Variants in ELOVL6 observed in about 807,000 individuals in gnomAD.
ELOVL6 encodes the protein ELOVL fatty acid elongase 6.
A neutral mutation model predicts 31.7 loss-of-function variants in ELOVL6; 8 were observed. The observed-to-expected ratio is 0.25, with a 90% CI of 0.15 to 0.45. The LOEUF (loss-of-function observed/expected upper bound fraction) is 0.45, where lower values mean the gene tolerates loss of function less well. Among genes scored for constraint, ELOVL6 ranks in the 20% least tolerant of loss-of-function variants. ELOVL6 has a pLI of 1.00. For synonymous variants in ELOVL6, 101 were observed against 117.7 expected, an observed-to-expected ratio of 0.86 and a Z score of 0.92; for missense variants, 126 against 326.4, an observed-to-expected ratio of 0.39 and a Z score of 4.73.
chr4:110,076,899 T>C (rs1457849657), intron 2 of ELOVL6, among the ~76,000 whole-genome samples: 2 of 152,154 alleles, frequency 1.3e-5, no homozygotes, highest in Non-Finnish European at 2.9e-5. Flanking sequence ...ATACTGTGCT[T>C]TTCCAATGGT....
intron 2 of ELOVL6, among the ~76,000 whole-genome samples, chr4:110,062,737 C>A (rs577659770): frequency 6.6e-6 from 1 of 152,188 alleles, no homozygotes; most frequent in Admixed American, 6.5e-5. Context: ...CCCTGGACCA[C>A]ACATTTAAGT....
At chr4:110,139,098 A>C (rs1341507481) in intron 1 of ELOVL6, among the ~76,000 whole-genome samples, 1 of 152,150 alleles carries the variant, frequency 6.6e-6, no homozygotes, top group East Asian at 1.9e-4. Context: ...TTTTAAGAAA[A>C]AAGTGGTATT....
chr4:110,143,337 A>G (rs1443396392), intron 1 of ELOVL6, among the ~76,000 whole-genome samples: 1 of 152,048 alleles, frequency 6.6e-6, no homozygotes, highest in Non-Finnish European at 1.5e-5. Flanking sequence ...TATTAGATGT[A>G]TAATATTTAT....
intron 2 of ELOVL6, among the ~76,000 whole-genome samples, chr4:110,077,159 G>T (rs1397587166): frequency 6.6e-6 from 1 of 152,224 alleles, no homozygotes; most frequent in African/African-American, 2.4e-5. Context: ...CTCCACCTCT[G>T]GGGGCAGGGC....
Position 110,167,976 on chromosome 4 carries a change from G to A in ELOVL6, c.89+30271C>T, listed in dbSNP as rs555596176. On this transcript the variant is annotated intron_variant, in intron 1 of 3. Coordinates refer to ENST00000302274, the MANE Select transcript of ELOVL6 (RefSeq NM_024090.3). The stretch of plus-strand genomic sequence containing the variant: ...TAAGGAAGTTCTTTCTTGTATTTTT[G>A]ATATATAATTTTAGATTAAATGCTT... Among the ~76,000 whole-genome samples the A allele has an allele frequency of 9.2e-5, 14 of 152,158 alleles. No homozygotes were observed. The East Asian group carries it at 2.7e-3, about 29-fold the overall frequency.
intron 1 of ELOVL6, among the ~76,000 whole-genome samples, chr4:110,154,614 C>T (rs1440110603): frequency 1.3e-5 from 2 of 152,178 alleles, no homozygotes; most frequent in Non-Finnish European, 2.9e-5. Context: ...ATATTAATTT[C>T]TTGATGTGAA....
At chr4:110,069,758 G>A (rs777370370) in intron 2 of ELOVL6, among the ~76,000 whole-genome samples, 11 of 152,116 alleles carry the variant, frequency 7.2e-5, no homozygotes, top group Non-Finnish European at 1.3e-4. Context: ...TTCTCTGCCT[G>A]GCTGGAAATG....
chr4:110,195,890 G>A (rs372422920), intron 1 of ELOVL6, among the ~76,000 whole-genome samples: 1 of 152,184 alleles, frequency 6.6e-6, no homozygotes, highest in Non-Finnish European at 1.5e-5. Context: ...CTGATGGTCT[G>A]TAAGTTAATA....
At chr4:110,169,463 T>A (rs536702456) in intron 1 of ELOVL6, among the ~76,000 whole-genome samples, 1 of 151,980 alleles carries the variant, frequency 6.6e-6, no homozygotes, top group East Asian at 2.0e-4. Flanking sequence ...GGCTGGCCTG[T>A]AACTCCTGAC....
At chr4:110,079,166 C>T (rs551148776) in intron 2 of ELOVL6, among the ~76,000 whole-genome samples, 1 of 152,264 alleles carries the variant, frequency 6.6e-6, no homozygotes, top group South Asian at 2.1e-4. Context: ...CTACTGTCAA[C>T]ATTAGACAGA....
chr4:110,188,024 T>C (rs1186469238), intron 1 of ELOVL6, among the ~76,000 whole-genome samples: 9 of 152,342 alleles, frequency 5.9e-5, no homozygotes, highest in East Asian at 5.8e-4. Context: ...ATTCTTCACA[T>C]TGTAGGAGCT....
In ELOVL6 at chr4:110,051,674, G is replaced by A. The variant is rs762430025; in HGVS notation, c.462C>T (p.Tyr154=). ...CCCCGGCAACCATGTCTTTGTAGGA[G>A]TACCAAGAGTACAGGAGCACAGTGA... ...HHITVLLYSW[Y]SYKDMVAGGG... is the part of the protein sequence containing the mutation. Residue 154 remains tyrosine, a synonymous_variant, in exon 4 of 4, where the codon TAC becomes TAT. Coordinates refer to ENST00000302274, the MANE Select transcript of ELOVL6 (RefSeq NM_024090.3). This position sits in a 1 kb window ranked among gnomAD's most constrained non-coding sequence, Gnocchi z 4.8. 1.2e-6 allele frequency: 2 copies of A among 1,614,124 alleles called. No individual in the cohort carries two copies. The highest frequency in any genetic ancestry group is 2.2e-5 in the South Asian group (2 of 91,072).
intron 1 of ELOVL6, 62 bp downstream of exon 1, chr4:110,198,185 A>C (rs1759876420): frequency 1.0e-6 from 1 of 979,182 alleles, no homozygotes; most frequent in Admixed American, 1.7e-5. Context: ...TACCGACATT[A>C]AGGCACTCCG....
At chr4:110,134,658 G>A (rs1218240037) in intron 1 of ELOVL6, among the ~76,000 whole-genome samples, 2 of 152,100 alleles carry the variant, frequency 1.3e-5, no homozygotes, top group Non-Finnish European at 2.9e-5. Context: ...TGTGTTTACA[G>A]TGTTTAAAAG....
intron 1 of ELOVL6, among the ~76,000 whole-genome samples, chr4:110,181,091 T>A (rs929997068): frequency 6.6e-6 from 1 of 151,720 alleles, no homozygotes; most frequent in Non-Finnish European, 1.5e-5. Context: ...TGAGCTATGA[T>A]TGTGCCACTA....
chr4:110,086,838 C>T (rs924800628), intron 2 of ELOVL6, among the ~76,000 whole-genome samples: 6 of 152,102 alleles, frequency 3.9e-5, no homozygotes, highest in African/African-American at 7.2e-5. Context: ...CCTCCCTATG[C>T]GACATTTATT....
At chr4:110,120,554 C>T (rs1757314998) in intron 1 of ELOVL6, among the ~76,000 whole-genome samples, 1 of 152,058 alleles carries the variant, frequency 6.6e-6, no homozygotes, top group East Asian at 1.9e-4. Flanking sequence ...CAGTTGGGTC[C>T]TGACTTCAAA....
At chr4:110,170,195 T>G (rs999827612) in intron 1 of ELOVL6, among the ~76,000 whole-genome samples, 1 of 152,226 alleles carries the variant, frequency 6.6e-6, no homozygotes, top group Non-Finnish European at 1.5e-5. Flanking sequence ...GATTTAAATT[T>G]GAAAAGACAA....
intron 2 of ELOVL6, among the ~76,000 whole-genome samples, chr4:110,064,196 G>A (rs1010849806): frequency 3.9e-5 from 6 of 152,040 alleles, no homozygotes; most frequent in African/African-American, 1.2e-4. Flanking sequence ...AGCAGTATAC[G>A]TTTCTGCTCC....
Sources: allele counts gnomAD v4.1 joint callset (sites outside exome capture counted in the v4.1 genomes callset), GRCh38; gene constraint gnomAD v4.1.1; non-coding constraint Gnocchi (gnomAD v3.1); transcripts MANE v1.5; gene names NCBI Gene and HGNC (gene_info 2026-07-23, HGNC 2026-07-21).